Variants in CRMP1 observed in about 807,000 individuals in gnomAD.
The protein encoded by CRMP1 is collapsin response mediator protein 1, also known as dihydropyrimidinase-related protein 1.
In CRMP1, 19 loss-of-function variants were observed where a neutral mutation model predicts 68.3. The observed-to-expected ratio is 0.28, with a 90% CI of 0.19 to 0.41. CRMP1 has a LOEUF of 0.41. Ranked by LOEUF, CRMP1 falls within the 10% of genes least tolerant of loss-of-function variation. The pLI, the probability that CRMP1 is intolerant of heterozygous loss-of-function variation, is 1.00. For missense variants in CRMP1, 791 were observed against 967.4 expected, an observed-to-expected ratio of 0.82 and a Z score of 2.42; for synonymous variants, 439 against 399.6, an observed-to-expected ratio of 1.10 and a Z score of -1.18.
Position 5,841,960 on chromosome 4 carries a change from C to T in CRMP1, c.1033-532G>A, listed in dbSNP as rs550380507. 6.6e-6 allele frequency among the ~76,000 whole-genome samples: 1 copy of T among 152,226 alleles called. No homozygotes were observed. The highest frequency in any genetic ancestry group is 2.4e-5 in the African/African-American group (1 of 41,460). ...CTTTGGGAGGCCAAGACGGATGGAT[C>T]ACTTGAGGTCGGAAGTTTCAGACCA... On this transcript the variant is annotated intron_variant, in intron 7 of 13. Transcript: ENST00000324989. This position sits in a 1 kb window ranked among gnomAD's most constrained non-coding sequence, Gnocchi z 6.9.
At chr4:5,829,376 G>T (rs1054461704) in intron 11 of CRMP1, among the ~76,000 whole-genome samples, 2 of 152,076 alleles carry the variant, frequency 1.3e-5, no homozygotes, top group African/African-American at 2.4e-5. Context: ...GGGACAGAGC[G>T]AGACTCTGTC....
At position 5,823,610 on chromosome 4, in the gene CRMP1, C is replaced by CTAT. The variant is rs573675393; in HGVS notation, c.1970-1762_1970-1760dup. ...TTACAGTAATGAGTAAATTCTTGCT[C>CTAT]TATTAGCTCTCGGAAGAACTGGTTG... On this transcript the variant is annotated intron_variant, in intron 13 of 13. Transcript: ENST00000324989. Among the ~76,000 whole-genome samples, 755 of 152,328 alleles carry CTAT rather than the reference C, an allele frequency of 5.0e-3. 5 individuals carry two copies. The highest frequency in any genetic ancestry group is 0.017 in the African/African-American group (708 of 41,576).
At chr4:5,831,303 G>GTGAT (rs1384437972) in intron 11 of CRMP1, among the ~76,000 whole-genome samples, 1 of 152,068 alleles carries the variant, frequency 6.6e-6, no homozygotes, top group East Asian at 1.9e-4. Context: ...ATTTTCCAAA[G>GTGAT]TGATTTTTGA....
At chr4:5,873,917 G>A (rs1456439085) in intron 1 of CRMP1, among the ~76,000 whole-genome samples, 2 of 152,174 alleles carry the variant, frequency 1.3e-5, no homozygotes, top group African/African-American at 4.8e-5. Context: ...TGAAGGTCAT[G>A]GAGGGGTTTT....
intron 12 of CRMP1, among the ~76,000 whole-genome samples, chr4:5,827,733 G>GCGCGCGCA (rs1553902552): frequency 7.2e-6 from 1 of 138,276 alleles, no homozygotes; most frequent in African/African-American, 2.9e-5. Context: ...ATGTGCGCGT[G>GCGCGCGCA]CACACACACA....
chr4:5,885,297 T>C (rs1014378940), intron 1 of CRMP1, among the ~76,000 whole-genome samples: 10 of 152,128 alleles, frequency 6.6e-5, no homozygotes, highest in Admixed American at 2.6e-4. Context: ...ATCCCCACTG[T>C]GCAGATGAGA....
At position 5,842,999 on chromosome 4, in the gene CRMP1, C is replaced by T; in HGVS notation, c.1032+94G>A. ...GTCTGGGAGAGGACACGGGAAGAGG[C>T]CGGGTCCTGGCTGGGCTACTCCAGC... On this transcript the variant is annotated intron_variant, in intron 7 of 13. Transcript: ENST00000324989. This position sits in a 1 kb window ranked among gnomAD's most constrained non-coding sequence, Gnocchi z 4.5. 3 of 1,225,570 alleles carry T rather than the reference C, an allele frequency of 2.4e-6. No homozygotes were observed. Among genetic ancestry groups the T allele is most frequent in the South Asian group, 2.5e-5 (2 of 80,016 alleles). 75.9% of individuals were successfully genotyped at this position (1,225,570 alleles called of 1,614,324 possible). A position where few individuals can be genotyped will look rare whatever the true frequency, so the allele number is the denominator to read the frequency against.
intron 2 of CRMP1, among the ~76,000 whole-genome samples, chr4:5,863,326 G>A (rs28669319): frequency 0.73 from 111,629 of 151,894 alleles, 41,353 homozygotes; most frequent in East Asian, 0.78. Context: ...AAAGAGGACA[G>A]CACAACTCAG....
At chr4:5,864,505 C>T (rs887968497) in intron 2 of CRMP1, among the ~76,000 whole-genome samples, 1 of 152,238 alleles carries the variant, frequency 6.6e-6, no homozygotes, top group Non-Finnish European at 1.5e-5. Context: ...CACCTGATGG[C>T]CAGCATTCAT....
At chr4:5,849,852 G>A (rs1448974274) in intron 5 of CRMP1, among the ~76,000 whole-genome samples, 1 of 152,188 alleles carries the variant, frequency 6.6e-6, no homozygotes, top group African/African-American at 2.4e-5. Context: ...TAGTTTTACA[G>A]AAATTATCTA....
At chr4:5,837,698 A>AAAATAAAATAAAATAAAATAAAATG (rs1560492452) in intron 9 of CRMP1, among the ~76,000 whole-genome samples, 42 of 151,020 alleles carry the variant, frequency 2.8e-4, no homozygotes, top group African/African-American at 9.5e-4. Flanking sequence ...AAAATAAAAT[A>AAAATAAAATAAAATAAAATAAAATG]AAAAATGAAT....
At position 5,861,274 on chromosome 4, in the gene CRMP1, G is replaced by A. The variant is rs41264691; in HGVS notation, c.471-64C>T. 0.03 allele frequency: 44,987 copies of A among 1,498,148 alleles called. 822 individuals carry two copies. The highest frequency in any genetic ancestry group is 0.045 in the South Asian group (3,677 of 82,314). The allele number at this position is 1,498,148 out of a possible 1,614,324, so 92.8% of individuals were successfully genotyped here. A position where few individuals can be genotyped will look rare whatever the true frequency, so the allele number is the denominator to read the frequency against. ...GAAAAGTAGAATGGGCAGTCAACCC[G>A]CAGCTTCAGTTCCATGAAATAAACA... On this transcript the variant is annotated intron_variant, in intron 2 of 13. Transcript: ENST00000324989. The surrounding 1 kb of genome is among the most constrained non-coding windows in gnomAD (Gnocchi z 6.0).
intron 1 of CRMP1, among the ~76,000 whole-genome samples, chr4:5,878,564 T>C (rs541070795): frequency 1.3e-5 from 2 of 152,100 alleles, no homozygotes; most frequent in African/African-American, 2.4e-5. Context: ...ATATTTACTC[T>C]CTCATTACAT....
intron 1 of CRMP1, among the ~76,000 whole-genome samples, chr4:5,867,488 T>C (rs904417144): frequency 2.6e-5 from 4 of 152,136 alleles, no homozygotes; most frequent in African/African-American, 7.2e-5. Context: ...GAAAACCCCA[T>C]TTTTCCAGTA....
intron 5 of CRMP1, among the ~76,000 whole-genome samples, chr4:5,851,027 G>T (rs1712580388): frequency 6.6e-6 from 1 of 152,292 alleles, no homozygotes; most frequent in Middle Eastern, 3.4e-3. Context: ...GCTCATAAAT[G>T]GTCCCCATCC....
intron 1 of CRMP1, among the ~76,000 whole-genome samples, chr4:5,876,660 C>T (rs1257154276): frequency 2.6e-5 from 4 of 152,098 alleles, no homozygotes; most frequent in Non-Finnish European, 5.9e-5. Context: ...AGTTTTTAGT[C>T]CTTTAAAGGC....
intron 1 of CRMP1, among the ~76,000 whole-genome samples, chr4:5,868,438 A>T (rs1239784485): frequency 4.2e-4 from 63 of 151,708 alleles, no homozygotes; most frequent in African/African-American, 1.4e-3. Flanking sequence ...AGTAGCTGGA[A>T]CTACAGGTAC....
intron 3 of CRMP1, among the ~76,000 whole-genome samples, chr4:5,857,351 C>T (rs1232006611): frequency 6.6e-6 from 1 of 152,010 alleles, no homozygotes; most frequent in African/African-American, 2.4e-5. Flanking sequence ...GCCATCACCA[C>T]CATTATCATC....
chr4:5,842,559 T>C lies in CRMP1; in HGVS notation c.1032+534A>G. 6.6e-6 allele frequency among the ~76,000 whole-genome samples: 1 copy of C among 151,792 alleles called. No homozygotes were observed. Among genetic ancestry groups the C allele is most frequent in the East Asian group, 1.9e-4 (1 of 5,154 alleles). ...CTTGCCTTCCTCCTTCCACACTCCC[T>C]GCAGGTGCATGCACATGCACCCACA... On this transcript the variant is annotated intron_variant, in intron 7 of 13. Transcript: ENST00000324989. This position sits in a 1 kb window ranked among gnomAD's most constrained non-coding sequence, Gnocchi z 4.5.
Sources: gnomAD v4.1 joint callset for allele counts (sites outside exome capture counted in the v4.1 genomes callset) on GRCh38, gnomAD v4.1.1 for gene constraint, Gnocchi (gnomAD v3.1) non-coding constraint, MANE v1.5 for transcripts, NCBI Gene and HGNC (gene_info 2026-07-23, HGNC 2026-07-21) for gene names.